Variants in CAMTA1 observed in about 807,000 individuals in gnomAD.
CAMTA1 encodes calmodulin binding transcription activator 1.
CAMTA1 carries 27 observed loss-of-function variants against 170.9 expected under a neutral mutation model. That is an observed-to-expected ratio of 0.16 (90% confidence interval 0.12 to 0.22). The LOEUF (loss-of-function observed/expected upper bound fraction) is 0.22. Ranked by LOEUF, CAMTA1 falls within the 10% of genes least tolerant of loss-of-function variation. CAMTA1 has a pLI of 1.00. For synonymous variants in CAMTA1, 833 were observed against 891.5 expected (o/e 0.93, Z 1.17); for missense variants, 1,619 against 2,217.2 (o/e 0.73, Z 5.42).
chr1:6,896,947 C>T (rs1258165653), intron 3 of CAMTA1, among the ~76,000 whole-genome samples: 1 of 152,156 alleles, frequency 6.6e-6, no homozygotes, highest in Non-Finnish European at 1.5e-5. Flanking sequence ...CAAGGAGAAA[C>T]AGTAACTTCC....
chr1:7,215,544 C>A (rs1311149961), intron 4 of CAMTA1, among the ~76,000 whole-genome samples: 1 of 152,194 alleles, frequency 6.6e-6, no homozygotes, highest in Non-Finnish European at 1.5e-5. Context: ...CAGGCACACA[C>A]CACCACACCT....
intron 4 of CAMTA1, among the ~76,000 whole-genome samples, chr1:7,149,249 A>AG (rs1400431535): frequency 6.6e-6 from 1 of 152,202 alleles, no homozygotes; most frequent in Non-Finnish European, 1.5e-5. Flanking sequence ...TCCTCCCTGA[A>AG]GGACAGGGTT....
At chr1:6,888,821 C>T (rs1487729316) in intron 3 of CAMTA1, among the ~76,000 whole-genome samples, 3 of 146,888 alleles carry the variant, frequency 2.0e-5, no homozygotes, top group Non-Finnish European at 4.4e-5. Context: ...TTCTTTTTTT[C>T]TTTCTTTTTT....
At chr1:6,966,892 A>G (rs995789772) in intron 3 of CAMTA1, among the ~76,000 whole-genome samples, 2 of 149,344 alleles carry the variant, frequency 1.3e-5, no homozygotes, top group East Asian at 4.2e-4. Context: ...GATTACAGGC[A>G]TGAGCCACCG....
intron 3 of CAMTA1, among the ~76,000 whole-genome samples, chr1:6,916,522 T>C (rs1039556601): frequency 6.6e-6 from 1 of 152,168 alleles, no homozygotes; most frequent in Non-Finnish European, 1.5e-5. Context: ...TCTCTCTCCT[T>C]CTTTAAACTT....
In CAMTA1 at chr1:7,098,120, T is replaced by TGTGC. The variant is rs751908758; in HGVS notation, c.302+6750_302+6751insTGCG. On this transcript the variant is annotated intron_variant, in intron 4 of 22. Transcript: ENST00000303635. ...CGAATTGTGTGTGTGTGTGTGTGTG[T>TGTGC]GCACGTGCGCGTGCGTGCGCATGCG... Among the ~76,000 whole-genome samples the TGTGC allele has an allele frequency of 1.8e-3, 273 of 152,060 alleles. 2 individuals carry two copies. Among genetic ancestry groups the TGTGC allele is most frequent in the African/African-American group, 5.9e-3 (244 of 41,478 alleles).
At chr1:6,862,925 A>G (rs1439508676) in intron 3 of CAMTA1, among the ~76,000 whole-genome samples, 3 of 152,172 alleles carry the variant, frequency 2.0e-5, no homozygotes, top group Non-Finnish European at 2.9e-5. Flanking sequence ...AAAGATAACT[A>G]TTTTCTTCGG....
chr1:7,115,591 G>A (rs74362194), intron 4 of CAMTA1, among the ~76,000 whole-genome samples: 1 of 112,872 alleles, frequency 8.9e-6, no homozygotes, highest in African/African-American at 3.7e-5. Context: ...GAATCTGAAA[G>A]CCTGAGACCC....
intron 2 of CAMTA1, among the ~76,000 whole-genome samples, chr1:6,823,427 A>C (rs1477895768): frequency 6.6e-6 from 1 of 152,202 alleles, no homozygotes; most frequent in African/African-American, 2.4e-5. Flanking sequence ...CTATTAAATT[A>C]AAATTTGAAA....
At chr1:7,723,971 C>A (rs1330761305) in intron 11 of CAMTA1, among the ~76,000 whole-genome samples, 3 of 152,306 alleles carry the variant, frequency 2.0e-5, no homozygotes, top group Non-Finnish European at 2.9e-5. Context: ...AGGTGCCCAC[C>A]ACCACACCCG....
At chr1:7,091,412 A>T in intron 4 of CAMTA1, 41 bp downstream of exon 4, 1 of 1,454,442 alleles carries the variant, frequency 6.9e-7, no homozygotes, top group East Asian at 2.3e-5. Context: ...TGTGTACCAT[A>T]AGTGGATTGA....
At chr1:7,130,464 TA>T (rs1467355098) in intron 4 of CAMTA1, among the ~76,000 whole-genome samples, 1 of 152,236 alleles carries the variant, frequency 6.6e-6, no homozygotes, top group Non-Finnish European at 1.5e-5. Flanking sequence ...TTATCTTGGA[TA>T]AATACCTAAA....
At chr1:7,211,519 A>G (rs190774577) in intron 4 of CAMTA1, among the ~76,000 whole-genome samples, 53 of 152,378 alleles carry the variant, frequency 3.5e-4, no homozygotes, top group Non-Finnish European at 6.8e-4. Flanking sequence ...TCTTTTGTAT[A>G]AGGATGATTT....
At chr1:7,072,807 T>C (rs927144225) in intron 3 of CAMTA1, among the ~76,000 whole-genome samples, 2 of 152,172 alleles carry the variant, frequency 1.3e-5, no homozygotes, top group Non-Finnish European at 2.9e-5. Context: ...GCAGAAGCCC[T>C]GGGGCAGGAG....
At chr1:7,492,744 C>T (rs111063524) in intron 6 of CAMTA1, among the ~76,000 whole-genome samples, 42 of 90,488 alleles carry the variant, frequency 4.6e-4, no homozygotes, top group African/African-American at 8.7e-4. Flanking sequence ...TACACACACG[C>T]GCGCACACAC....
intron 5 of CAMTA1, among the ~76,000 whole-genome samples, chr1:7,344,245 G>A (rs1406794906): frequency 2.0e-5 from 3 of 152,230 alleles, no homozygotes; most frequent in Admixed American, 2.0e-4. Context: ...TTTGCATGTG[G>A]TCTTTTCACC....
intron 3 of CAMTA1, among the ~76,000 whole-genome samples, chr1:6,953,144 C>A (rs1382955106): frequency 2.6e-5 from 4 of 152,210 alleles, no homozygotes; most frequent in Admixed American, 2.6e-4. Context: ...TGCCTGATAG[C>A]CCGTCCTGCA....
chr1:7,192,151 G>A (rs1320145875), intron 4 of CAMTA1, among the ~76,000 whole-genome samples: 1 of 152,224 alleles, frequency 6.6e-6, no homozygotes, highest in Non-Finnish European at 1.5e-5. Context: ...CAATGCTCCT[G>A]GTTCTGGCTC....
rs1271234963 is a variant in CAMTA1, at chr1:7,249,675, T to C, written c.438+49T>C. On this transcript the variant is annotated intron_variant, in intron 5 of 22. Coordinates refer to ENST00000303635, the MANE Select transcript of CAMTA1 (RefSeq NM_015215.4). The surrounding 1 kb of genome is among the most constrained non-coding windows in gnomAD (Gnocchi z 4.4). ...TGGTGCACAAATGTCATTTGCAGGC[T>C]GCAGTGGAGAATGGAATTGCTTGGA... is the stretch of plus-strand genomic sequence containing the variant. 1.9e-6 allele frequency: 3 copies of C among 1,599,172 alleles called. No individual in the cohort carries two copies. Among genetic ancestry groups the C allele is most frequent in the Non-Finnish European group, 1.7e-6 (2 of 1,171,540 alleles).
Sources: allele counts gnomAD v4.1 joint callset (sites outside exome capture counted in the v4.1 genomes callset), GRCh38; gene constraint gnomAD v4.1.1; non-coding constraint Gnocchi (gnomAD v3.1); transcripts MANE v1.5; gene names NCBI Gene and HGNC (gene_info 2026-07-23, HGNC 2026-07-21).